SCAI: variants seen among roughly 807,000 people sequenced by gnomAD.
SCAI encodes the protein protein SCAI.
Under a neutral mutation model 92.2 loss-of-function variants are expected in SCAI, and 24 were observed. The observed-to-expected ratio is 0.26, with a 90% CI of 0.19 to 0.37. The LOEUF (loss-of-function observed/expected upper bound fraction) is 0.37, where lower values mean the gene tolerates loss of function less well. Among genes scored for constraint, SCAI ranks in the 10% least tolerant of loss-of-function variants. The probability of loss-of-function intolerance (pLI) is 1.00; values close to 1 mark genes in which losing one functional copy is unlikely to be tolerated. For synonymous variants in SCAI, 261 were observed against 258.6 expected (o/e 1.01, Z -0.09); for missense variants, 450 against 736.2 (o/e 0.61, Z 4.50).
intron 2 of SCAI, among the ~76,000 whole-genome samples, chr9:125,104,493 G>A (rs1027790142): frequency 6.6e-6 from 1 of 151,354 alleles, no homozygotes; most frequent in Non-Finnish European, 1.5e-5. Flanking sequence ...GTCTAATTCT[G>A]TCTGTCAGAT....
At chr9:125,075,087 G>A (rs1230603227) in intron 2 of SCAI, among the ~76,000 whole-genome samples, 1 of 152,162 alleles carries the variant, frequency 6.6e-6, no homozygotes, top group African/African-American at 2.4e-5. Flanking sequence ...GACTATTTAT[G>A]AAGCTAATGG....
intron 9 of SCAI, among the ~76,000 whole-genome samples, chr9:125,013,190 T>C (rs1832674444): frequency 6.6e-6 from 1 of 151,132 alleles, no homozygotes; most frequent in South Asian, 2.1e-4. Flanking sequence ...AGAGCAGAAC[T>C]GAAGGAAATA....
chr9:124,968,655 T>C, intron 17 of SCAI: 2 of 1,133,008 alleles, frequency 1.8e-6, no homozygotes, highest in Non-Finnish European at 2.7e-6. Flanking sequence ...GGTGGTCTCA[T>C]CTACAGAGCC....
chr9:125,047,385 A>G (rs609291), intron 3 of SCAI, among the ~76,000 whole-genome samples: 77,433 of 151,932 alleles, frequency 0.51, 20,197 homozygotes, highest in East Asian at 0.58. Context: ...GGCCTCCAGA[A>G]CTGTGAGAAA....
chr9:125,083,940 G>A (rs980117111), intron 2 of SCAI, among the ~76,000 whole-genome samples: 2 of 152,116 alleles, frequency 1.3e-5, no homozygotes, highest in African/African-American at 4.8e-5. Flanking sequence ...TAGGCGAGGT[G>A]AAGCTTGCAG....
At chr9:125,095,560 A>G (rs1834530100) in intron 2 of SCAI, among the ~76,000 whole-genome samples, 1 of 152,266 alleles carries the variant, frequency 6.6e-6, no homozygotes, top group Admixed American at 6.5e-5. Context: ...TTAACTGGGC[A>G]TAAGGCCAAC....
chr9:124,995,118 G>A (rs2131621549), intron 13 of SCAI, 103 bp from the exon 14 acceptor site: 1 of 744,078 alleles, frequency 1.3e-6, no homozygotes, highest in East Asian at 3.0e-5. Flanking sequence ...TCATAGCACT[G>A]AGAGAAAAAC....
chr9:125,045,622 C>T (rs562955753), intron 3 of SCAI, among the ~76,000 whole-genome samples: 1 of 152,316 alleles, frequency 6.6e-6, no homozygotes, highest in South Asian at 2.1e-4. Flanking sequence ...AGGCATGAGT[C>T]GCTGTGCCTG....
chr9:125,039,405 G>GA (rs1307008008), intron 3 of SCAI, among the ~76,000 whole-genome samples: 69 of 142,056 alleles, frequency 4.9e-4, no homozygotes, highest in Non-Finnish European at 8.6e-4. Context: ...AAAAAAAAAA[G>GA]AAAAGAAAAA....
At chr9:124,986,188 G>C (rs1287665666) in intron 14 of SCAI, among the ~76,000 whole-genome samples, 1 of 151,992 alleles carries the variant, frequency 6.6e-6, no homozygotes, top group Non-Finnish European at 1.5e-5. Context: ...CTACTTGGGA[G>C]GCTGAAGCAG....
chr9:125,005,337 C>CGT (rs1374357112), intron 9 of SCAI, among the ~76,000 whole-genome samples: 3 of 151,868 alleles, frequency 2.0e-5, no homozygotes, highest in African/African-American at 7.3e-5. Context: ...ATTTAATATA[C>CGT]GTGTGTGTGT....
At chr9:124,991,351 CAAAAAAAAAAAA>C (rs34976572) in intron 14 of SCAI, among the ~76,000 whole-genome samples, 8 of 40,228 alleles carry the variant, frequency 2.0e-4, no homozygotes, top group Admixed American at 4.3e-4. Context: ...AACTCCGTCT[CAAAAAAAAAAAA>C]AAAAAAAAAA....
At chr9:125,001,895 G>A in intron 12 of SCAI, 70 bp downstream of exon 12, 5 of 1,096,380 alleles carry the variant, frequency 4.6e-6, no homozygotes, top group Non-Finnish European at 7.0e-6. Flanking sequence ...GTGGGCTACG[G>A]GCCATCGTCT....
chr9:125,143,236 G>C, intron 1 of SCAI, 149 bp downstream of exon 1: 1 of 463,728 alleles, frequency 2.2e-6, no homozygotes, highest in Non-Finnish European at 3.5e-6. Flanking sequence ...GCCGCCGCCT[G>C]CAGGCGCCCC....
At chr9:124,960,671 G>A (rs1831419121) in intron 17 of SCAI, among the ~76,000 whole-genome samples, 1 of 152,156 alleles carries the variant, frequency 6.6e-6, no homozygotes, top group Non-Finnish European at 1.5e-5. Context: ...ATGGGTACTG[G>A]ACTGACTAAA....
chr9:125,004,759 A>T (rs1207560589), intron 9 of SCAI, among the ~76,000 whole-genome samples: 16 of 9,836 alleles, frequency 1.6e-3, no homozygotes, highest in Non-Finnish European at 2.5e-3. Context: ...ATATATATAT[A>T]TATATATATA....
At chr9:125,024,653 G>A (rs141147237) in intron 6 of SCAI, among the ~76,000 whole-genome samples, 80 of 152,166 alleles carry the variant, frequency 5.3e-4, no homozygotes, top group African/African-American at 1.8e-3. Flanking sequence ...CTACTTACAA[G>A]ACACTGACTC....
intron 9 of SCAI, among the ~76,000 whole-genome samples, chr9:125,010,936 C>T (rs2131056327): frequency 6.6e-6 from 1 of 152,272 alleles, no homozygotes; most frequent in East Asian, 1.9e-4. Context: ...CTGGAGTGGA[C>T]CTCTAGCAAA....
chr9:125,072,844 T>C (rs1220771355), intron 2 of SCAI, among the ~76,000 whole-genome samples: 1 of 152,170 alleles, frequency 6.6e-6, no homozygotes, highest in Admixed American at 6.5e-5. Context: ...GATCCATTCA[T>C]GGTGTAGCAT....
Sources: allele counts gnomAD v4.1 joint callset (sites outside exome capture counted in the v4.1 genomes callset), GRCh38; gene constraint gnomAD v4.1.1; transcripts MANE v1.5; gene names NCBI Gene and HGNC (gene_info 2026-07-23, HGNC 2026-07-21).